The following DLG2 variants were observed in gnomAD, a reference collection of about 807,000 sequenced individuals.
The protein encoded by DLG2 is discs large MAGUK scaffold protein 2.
In DLG2, 45 loss-of-function variants were observed where a neutral mutation model predicts 132.5. The ratio of observed to expected loss-of-function variants is 0.34; its 90% CI spans 0.27 to 0.44. The LOEUF is 0.44. DLG2 is among the 20% of genes least tolerant of loss of function. DLG2 has a pLI of 1.00. For synonymous variants in DLG2, 424 were observed against 419.6 expected (o/e 1.01, Z -0.13); for missense variants, 1,045 against 1,196.9 (o/e 0.87, Z 1.87).
intron 6 of DLG2, among the ~76,000 whole-genome samples, chr11:84,770,593 A>G (rs527787503): frequency 6.6e-6 from 1 of 151,588 alleles, no homozygotes; most frequent in East Asian, 1.9e-4. Context: ...TTTGTGAAGG[A>G]TAATGGCCTC....
At chr11:85,319,008 T>C (rs1040260563) in intron 3 of DLG2, among the ~76,000 whole-genome samples, 19 of 151,922 alleles carry the variant, frequency 1.3e-4, no homozygotes, top group African/African-American at 4.3e-4. Flanking sequence ...CAGTAAGTCA[T>C]TTAAAACAAG....
intron 7 of DLG2, among the ~76,000 whole-genome samples, chr11:84,253,930 A>G (rs968240754): frequency 3.3e-5 from 5 of 152,174 alleles, no homozygotes; most frequent in African/African-American, 1.2e-4. Context: ...GTACCATACA[A>G]GAACTAGACA....
intron 11 of DLG2, among the ~76,000 whole-genome samples, chr11:84,053,259 T>C (rs1443399872): frequency 6.6e-6 from 1 of 151,884 alleles, no homozygotes; most frequent in Admixed American, 6.6e-5. Flanking sequence ...CACTGGGGCC[T>C]GTTGGAGGGG....
At chr11:84,650,664 C>T (rs899294576) in intron 6 of DLG2, among the ~76,000 whole-genome samples, 6 of 151,932 alleles carry the variant, frequency 3.9e-5, no homozygotes, top group Non-Finnish European at 8.8e-5. Context: ...CTCCTTCTTG[C>T]TTAACCTCTC....
chr11:85,586,262 T>C (rs530418233), intron 3 of DLG2, among the ~76,000 whole-genome samples: 31 of 152,328 alleles, frequency 2.0e-4, no homozygotes, highest in Admixed American at 1.3e-3. Context: ...CTCTATCTTT[T>C]GGAATACTGT....
intron 6 of DLG2, among the ~76,000 whole-genome samples, chr11:84,969,171 T>C (rs2053728643): frequency 6.6e-6 from 1 of 152,044 alleles, no homozygotes; most frequent in South Asian, 2.1e-4. Flanking sequence ...TTTTGGCTCA[T>C]GAACCAAAGT....
chr11:84,594,244 C>A (rs751076620), intron 6 of DLG2, among the ~76,000 whole-genome samples: 13 of 152,190 alleles, frequency 8.5e-5, no homozygotes, highest in Non-Finnish European at 1.8e-4. Flanking sequence ...CACAGTTAAA[C>A]TGTGGGTGGA....
intron 6 of DLG2, among the ~76,000 whole-genome samples, chr11:84,837,619 T>G (rs1232010528): frequency 1.3e-5 from 2 of 151,764 alleles, no homozygotes; most frequent in Non-Finnish European, 2.9e-5. Flanking sequence ...TATGATTTTA[T>G]GAATCATCAG....
At chr11:85,332,163 T>C (rs2081802647) in intron 3 of DLG2, among the ~76,000 whole-genome samples, 1 of 152,222 alleles carries the variant, frequency 6.6e-6, no homozygotes, top group Non-Finnish European at 1.5e-5. Context: ...CTACTCTGAC[T>C]GGTTTGAGAT....
At chr11:83,475,522 T>C (rs1028163054) in intron 22 of DLG2, among the ~76,000 whole-genome samples, 6 of 151,512 alleles carry the variant, frequency 4.0e-5, no homozygotes, top group East Asian at 1.9e-4. Context: ...GTGGAGTATA[T>C]TGCACTGTCT....
intron 6 of DLG2, among the ~76,000 whole-genome samples, chr11:84,782,305 C>T (rs1224207481): frequency 6.6e-6 from 1 of 151,966 alleles, no homozygotes; most frequent in East Asian, 1.9e-4. Context: ...TCACTAGGTA[C>T]CTTTAAGTTT....
chr11:84,605,236 G>C (rs1165787157), intron 6 of DLG2, among the ~76,000 whole-genome samples: 1 of 151,852 alleles, frequency 6.6e-6, no homozygotes, highest in African/African-American at 2.4e-5. Flanking sequence ...AGATTGTTAT[G>C]TATGATCATT....
chr11:84,629,032 T>G (rs930451274), intron 6 of DLG2, among the ~76,000 whole-genome samples: 2 of 152,222 alleles, frequency 1.3e-5, no homozygotes, highest in African/African-American at 4.8e-5. Context: ...CAGGTCTCTC[T>G]GACAAGAACA....
At chr11:84,627,963 G>A (rs865944876) in intron 6 of DLG2, among the ~76,000 whole-genome samples, 11 of 151,852 alleles carry the variant, frequency 7.2e-5, no homozygotes, top group Non-Finnish European at 1.0e-4. Context: ...CCAACATAGG[G>A]GATTACAATT....
chr11:85,389,894 C>A (rs531156130), intron 3 of DLG2, among the ~76,000 whole-genome samples: 3 of 152,138 alleles, frequency 2.0e-5, no homozygotes, highest in Admixed American at 6.5e-5. Context: ...TTGAAATACA[C>A]CAAAATAGGA....
At chr11:84,360,415 G>A (rs1018586258) in intron 7 of DLG2, among the ~76,000 whole-genome samples, 6 of 151,834 alleles carry the variant, frequency 4.0e-5, no homozygotes, top group Admixed American at 1.3e-4. Flanking sequence ...AATTAGCTAC[G>A]AGGGAAATTG....
chr11:83,753,571 A>C (rs1370879562), intron 18 of DLG2, among the ~76,000 whole-genome samples: 2 of 150,398 alleles, frequency 1.3e-5, no homozygotes, highest in Non-Finnish European at 3.0e-5. Flanking sequence ...TTCATACTCA[A>C]GTAAAATTAA....
At chr11:84,063,916 G>C (rs1369831008) in intron 10 of DLG2, among the ~76,000 whole-genome samples, 1 of 136,674 alleles carries the variant, frequency 7.3e-6, no homozygotes, top group African/African-American at 2.7e-5. Flanking sequence ...TGAACAATGA[G>C]AACACATGGA....
At chr11:85,425,161 T>A (rs1394845218) in intron 3 of DLG2, among the ~76,000 whole-genome samples, 1 of 152,218 alleles carries the variant, frequency 6.6e-6, no homozygotes, top group African/African-American at 2.4e-5. Flanking sequence ...TTCTGATAGA[T>A]GTTAATTTTC....
Sources: gnomAD v4.1 joint callset for allele counts (sites outside exome capture counted in the v4.1 genomes callset) on GRCh38, gnomAD v4.1.1 for gene constraint, MANE v1.5 for transcripts, NCBI Gene and HGNC (gene_info 2026-07-23, HGNC 2026-07-21) for gene names.